Variants in LRRC1 observed in about 807,000 individuals in gnomAD.
LRRC1 encodes the protein leucine rich repeat containing 1.
A neutral mutation model predicts 69.9 loss-of-function variants in LRRC1; 28 were observed. The observed-to-expected ratio is 0.40, with a 90% CI of 0.30 to 0.55. The LOEUF (loss-of-function observed/expected upper bound fraction) is 0.55. LRRC1 is among the 20% of genes least tolerant of loss of function. The pLI, the probability that LRRC1 is intolerant of heterozygous loss-of-function variation, is 0.47. For synonymous variants in LRRC1, 236 were observed against 240.2 expected, an observed-to-expected ratio of 0.98 and a Z score of 0.16; for missense variants, 498 against 609.0, an observed-to-expected ratio of 0.82 and a Z score of 1.92.
chr6:53,806,229 A>G (rs982834932), intron 1 of LRRC1, among the ~76,000 whole-genome samples: 1 of 152,172 alleles, frequency 6.6e-6, no homozygotes, highest in Non-Finnish European at 1.5e-5. Flanking sequence ...AAAGCTACAC[A>G]TCTTTTCTTT....
At chr6:53,843,835 C>CT (rs1765859930) in intron 2 of LRRC1, among the ~76,000 whole-genome samples, 1 of 152,256 alleles carries the variant, frequency 6.6e-6, no homozygotes, top group African/African-American at 2.4e-5. Flanking sequence ...GTGGTGGCCT[C>CT]TTTTTGTGAC....
At chr6:53,825,115 A>G (rs1425321873) in intron 1 of LRRC1, among the ~76,000 whole-genome samples, 1 of 152,234 alleles carries the variant, frequency 6.6e-6, no homozygotes, top group East Asian at 1.9e-4. Flanking sequence ...TGTGTGTTTC[A>G]GTGTCCTCTG....
intron 4 of LRRC1, among the ~76,000 whole-genome samples, chr6:53,883,326 T>C (rs536007410): frequency 1.3e-5 from 2 of 152,356 alleles, no homozygotes; most frequent in Non-Finnish European, 2.9e-5. Context: ...TCAGTAATTT[T>C]AAACCATGCT....
intron 1 of LRRC1, among the ~76,000 whole-genome samples, chr6:53,832,981 T>C (rs1765472659): frequency 6.6e-6 from 1 of 152,204 alleles, no homozygotes; most frequent in Admixed American, 6.5e-5. Context: ...GGCCATATAA[T>C]AGTTCATTGT....
At chr6:53,831,901 A>G (rs927979674) in intron 1 of LRRC1, among the ~76,000 whole-genome samples, 4 of 152,206 alleles carry the variant, frequency 2.6e-5, no homozygotes, top group African/African-American at 7.2e-5. Flanking sequence ...TCTCATGGAT[A>G]ATAGGTAATC....
intron 1 of LRRC1, among the ~76,000 whole-genome samples, chr6:53,827,031 G>C (rs1765286440): frequency 6.6e-6 from 1 of 152,120 alleles, no homozygotes; most frequent in South Asian, 2.1e-4. Context: ...AACCTGGCTT[G>C]ATCATAAGAA....
At chr6:53,811,556 G>A (rs4715425) in intron 1 of LRRC1, among the ~76,000 whole-genome samples, 95,069 of 152,088 alleles carry the variant, frequency 0.63, 30,034 homozygotes, top group East Asian at 0.9. Context: ...AGGATAGGAA[G>A]GGTTGACTAA....
rs186723340 is a variant in LRRC1, at chr6:53,875,742, C to T, written c.278-3251C>T. On this transcript the variant is annotated intron_variant, in intron 2 of 13. Coordinates refer to ENST00000370888, the MANE Select transcript of LRRC1 (RefSeq NM_018214.5). ...TGATGGGACTTGATGGTGGTAGTGG[C>T]GGTTTTTGTTATTTTATTATTTAAA... 9.5e-4 allele frequency among the ~76,000 whole-genome samples: 145 copies of T among 151,952 alleles called. 2 individuals carry two copies. The East Asian group carries it at 0.026, about 28-fold the overall frequency.
intron 1 of LRRC1, among the ~76,000 whole-genome samples, chr6:53,813,547 T>TTG (rs1183493999): frequency 2.1e-5 from 3 of 143,496 alleles, no homozygotes; most frequent in Non-Finnish European, 4.4e-5. Context: ...TTTTTTTTTT[T>TTG]TTCTTTTTTT....
At chr6:53,870,273 A>C (rs1369378217) in intron 2 of LRRC1, among the ~76,000 whole-genome samples, 1 of 152,134 alleles carries the variant, frequency 6.6e-6, no homozygotes, top group East Asian at 1.9e-4. Context: ...CTCAGGTCTC[A>C]GTGATGCTTC....
rs570097826 is a variant in LRRC1, at chr6:53,812,208, T to A, written c.159+16793T>A. On this transcript the variant is annotated intron_variant, in intron 1 of 13. Coordinates refer to ENST00000370888, the MANE Select transcript of LRRC1 (RefSeq NM_018214.5). ...CTTGTTAGACACTGATTTAGAGCGC[T>A]CAGCCTAATGGCAGCTTTTGGATGG... Among the ~76,000 whole-genome samples the A allele has an allele frequency of 4.6e-5, 7 of 152,330 alleles. No individual in the cohort carries two copies. In the East Asian group the frequency reaches 1.4e-3, roughly 29 times the overall value.
At chr6:53,913,775 T>C in intron 10 of LRRC1, 79 bp from the exon 11 acceptor site, 1 of 834,942 alleles carries the variant, frequency 1.2e-6, no homozygotes. Flanking sequence ...TTTATACTGT[T>C]TGGTAAACAA....
chr6:53,873,266 G>A (rs1766954280), intron 2 of LRRC1, among the ~76,000 whole-genome samples: 1 of 147,944 alleles, frequency 6.8e-6, no homozygotes, highest in Admixed American at 6.8e-5. Flanking sequence ...CACCATTGGT[G>A]TATAGAAGTG....
At chr6:53,915,019 T>A (rs1768521251) in intron 11 of LRRC1, among the ~76,000 whole-genome samples, 1 of 152,210 alleles carries the variant, frequency 6.6e-6, no homozygotes, top group Admixed American at 6.5e-5. Flanking sequence ...TTTTACAGGA[T>A]GAATAGCAGC....
At chr6:53,805,107 C>A (rs940888667) in intron 1 of LRRC1, among the ~76,000 whole-genome samples, 1 of 152,008 alleles carries the variant, frequency 6.6e-6, no homozygotes, top group Non-Finnish European at 1.5e-5. Context: ...CTCGGGTAGG[C>A]TTTAGTCAGT....
chr6:53,885,467 A>T (rs1767442983), intron 4 of LRRC1, among the ~76,000 whole-genome samples: 3 of 152,206 alleles, frequency 2.0e-5, no homozygotes. Context: ...ACAAAATTTG[A>T]AAGAACATGG....
intron 2 of LRRC1, among the ~76,000 whole-genome samples, chr6:53,870,243 T>C (rs568040947): frequency 3.9e-5 from 6 of 152,208 alleles, no homozygotes; most frequent in Non-Finnish European, 8.8e-5. Context: ...ATTCATGTGA[T>C]TTCTCGGTTG....
intron 1 of LRRC1, among the ~76,000 whole-genome samples, chr6:53,822,960 C>T (rs546094541): frequency 2.6e-5 from 4 of 152,290 alleles, no homozygotes; most frequent in East Asian, 1.9e-4. Context: ...CATATGATAC[C>T]GTCCTTGCAG....
At chr6:53,834,344 CTT>C (rs1013167949) in intron 1 of LRRC1, among the ~76,000 whole-genome samples, 40 of 152,292 alleles carry the variant, frequency 2.6e-4, no homozygotes, top group African/African-American at 9.6e-4. Context: ...TTAGCATGCT[CTT>C]TTCTTCCGCT....
Sources: gnomAD v4.1 joint callset for allele counts (sites outside exome capture counted in the v4.1 genomes callset) on GRCh38, gnomAD v4.1.1 for gene constraint, MANE v1.5 for transcripts, NCBI Gene and HGNC (gene_info 2026-07-23, HGNC 2026-07-21) for gene names.